Variants in AAMDC observed in about 807,000 individuals in gnomAD.
AAMDC encodes adipogenesis associated Mth938 domain containing, also known as mth938 domain-containing protein.
Under a neutral mutation model 15.5 loss-of-function variants are expected in AAMDC, and 16 were observed. That is an observed-to-expected ratio of 1.03 (90% CI 0.70 to 1.57). The LOEUF (loss-of-function observed/expected upper bound fraction) is 1.57, where lower values mean the gene tolerates loss of function less well. AAMDC is among the 40% of genes most tolerant of loss of function. AAMDC has a pLI of 0.00. For missense variants in AAMDC, 141 were observed against 144.9 expected (o/e 0.97, Z 0.14); for synonymous variants, 51 against 51.6 (o/e 0.99, Z 0.05).
downstream of AAMDC, among the ~76,000 whole-genome samples, chr11:77,902,048 TC>T: frequency 6.6e-6 from 1 of 152,300 alleles, no homozygotes; most frequent in Middle Eastern, 3.4e-3. Context: ...TGACCCCAGA[TC>T]AAGTCCCCGA....
chr11:77,870,059 CA>C (rs1174094929), intron 3 of AAMDC: 2 of 311,980 alleles, frequency 6.4e-6, no homozygotes. Flanking sequence ...CTACAAGGAT[CA>C]CTATTTGGTC....
At chr11:77,846,344 C>T (rs1169286032) in intron 2 of AAMDC, among the ~76,000 whole-genome samples, 1 of 152,154 alleles carries the variant, frequency 6.6e-6, no homozygotes, top group Non-Finnish European at 1.5e-5. Context: ...TCCAGCTGGG[C>T]ATGGTGGCTC....
intron 1 of AAMDC, among the ~76,000 whole-genome samples, chr11:77,823,008 G>T (rs1948991209): frequency 6.6e-6 from 1 of 152,074 alleles, no homozygotes; most frequent in Non-Finnish European, 1.5e-5. Flanking sequence ...GAGGTCAGGA[G>T]ATCAAGACCA....
chr11:77,874,447 T>C (rs1446915861), downstream of AAMDC, among the ~76,000 whole-genome samples: 2 of 151,772 alleles, frequency 1.3e-5, no homozygotes, highest in African/African-American at 2.4e-5. Context: ...GGTGTAATCA[T>C]TCTTCCTAAG....
intron 1 of AAMDC, among the ~76,000 whole-genome samples, chr11:77,836,688 G>T (rs553901191): frequency 1.1e-4 from 17 of 152,290 alleles, no homozygotes; most frequent in African/African-American, 3.6e-4. Flanking sequence ...CCCTGTGGCC[G>T]GGCGCAGCGG....
In AAMDC at chr11:77,842,369, GA is replaced by G; in HGVS notation, c.-18-106del. 4 of 1,057,600 alleles carry G rather than the reference GA, an allele frequency of 3.8e-6. No individual in the cohort carries two copies. In the South Asian group the frequency reaches 6.8e-5, roughly 18 times the overall value. 65.5% of individuals were successfully genotyped at this position (1,057,600 alleles called of 1,614,324 possible). On this transcript the variant is annotated intron_variant, in intron 1 of 3. Coordinates refer to ENST00000393427, the MANE Select transcript of AAMDC (RefSeq NM_024684.4). ...AAGAAGAAGTAACAACCACGTAAATGAAAAGATGCTTCTTAAATCATGGAGA... is the reference window on the plus strand; with the variant it reads ...AAGAAGAAGTAACAACCACGTAAATGAAAGATGCTTCTTAAATCATGGAGA...
chr11:77,832,114 T>A (rs1565196984), intron 1 of AAMDC: 1 of 152,114 alleles, frequency 6.6e-6, no homozygotes, highest in Non-Finnish European at 1.5e-5. Flanking sequence ...ATACCTATGA[T>A]ATCCACCATA....
chr11:77,822,040 G>A (rs2136010118), intron 1 of AAMDC, among the ~76,000 whole-genome samples: 1 of 152,070 alleles, frequency 6.6e-6, no homozygotes, highest in East Asian at 1.9e-4. Flanking sequence ...ATCAAAAAAG[G>A]AGTTCCTATA....
downstream of AAMDC, among the ~76,000 whole-genome samples, chr11:77,875,105 G>A (rs1951560824): frequency 6.6e-6 from 1 of 151,306 alleles, no homozygotes; most frequent in South Asian, 2.1e-4. Context: ...CTCCATGATT[G>A]TGTTTGCTGA....
At chr11:77,856,242 A>T (rs1014767236) in intron 2 of AAMDC, among the ~76,000 whole-genome samples, 2 of 152,184 alleles carry the variant, frequency 1.3e-5, no homozygotes, top group Non-Finnish European at 2.9e-5. Context: ...AGCACAAGTA[A>T]CCTTTACACT....
At chr11:77,824,984 G>C (rs1190207372) in intron 1 of AAMDC, among the ~76,000 whole-genome samples, 2 of 151,748 alleles carry the variant, frequency 1.3e-5, no homozygotes, top group African/African-American at 2.4e-5. Flanking sequence ...TTTTGTTGTT[G>C]TTGTTTTTCT....
intron 1 of AAMDC, among the ~76,000 whole-genome samples, chr11:77,837,685 T>G (rs1949747372): frequency 6.6e-6 from 1 of 152,096 alleles, no homozygotes; most frequent in Non-Finnish European, 1.5e-5. Context: ...ATCCACCTGC[T>G]TTGGCCATCC....
At chr11:77,878,816 T>C (rs1951680986) in intron 5 of AAMDC, 1 of 768,566 alleles carries the variant, frequency 1.3e-6, no homozygotes, top group African/African-American at 1.7e-5. Context: ...CTGTGTTTGA[T>C]ACCAGATGAG....
At chr11:77,842,760 T>G in intron 2 of AAMDC, 132 bp downstream of exon 2, 1 of 1,281,658 alleles carries the variant, frequency 7.8e-7, no homozygotes, top group Non-Finnish European at 1.1e-6. Flanking sequence ...ACCATTAAAT[T>G]CACCCTTTTA....
intron 1 of AAMDC, among the ~76,000 whole-genome samples, chr11:77,826,328 C>T (rs1469863996): frequency 6.6e-6 from 1 of 151,656 alleles, no homozygotes; most frequent in Non-Finnish European, 1.5e-5. Flanking sequence ...CACCATTGCA[C>T]TCTGGCCTGG....
chr11:77,886,081 C>A (rs934251721), intron 5 of AAMDC, among the ~76,000 whole-genome samples: 3 of 151,836 alleles, frequency 2.0e-5, no homozygotes, highest in South Asian at 2.1e-4. Flanking sequence ...TGGTGTGTAT[C>A]TCTAGTTCCA....
At chr11:77,872,438 C>G (rs1590981289), downstream of AAMDC, 1 of 1,204,168 alleles carries the variant, frequency 8.3e-7, no homozygotes, top group East Asian at 2.6e-5. Context: ...CTGTGCTAGG[C>G]TCTTGGGATG....
chr11:77,872,148 T>C (rs1440807600), intron 3 of AAMDC, 27 bp from the exon 4 acceptor site: 2 of 1,605,448 alleles, frequency 1.2e-6, no homozygotes, highest in Admixed American at 1.7e-5. Context: ...TTCCCCCTAC[T>C]TACTCATCTC....
chr11:77,841,848 A>G (rs1373017259), intron 1 of AAMDC, among the ~76,000 whole-genome samples: 1 of 152,154 alleles, frequency 6.6e-6, no homozygotes, highest in Non-Finnish European at 1.5e-5. Context: ...CCTTCTATCC[A>G]TGTTTGCTTG....
Sources: gnomAD v4.1 joint callset for allele counts (sites outside exome capture counted in the v4.1 genomes callset) on GRCh38, gnomAD v4.1.1 for gene constraint, MANE v1.5 for transcripts, NCBI Gene and HGNC (gene_info 2026-07-23, HGNC 2026-07-21) for gene names.